PEX14: variants seen among roughly 807,000 people sequenced by gnomAD.
PEX14 encodes peroxisomal membrane protein PEX14.
A neutral mutation model predicts 49.5 loss-of-function variants in PEX14; 15 were observed. The ratio of observed to expected loss-of-function variants is 0.30; its 90% confidence interval spans 0.20 to 0.47. PEX14 has a LOEUF of 0.47. PEX14 is among the 20% of genes least tolerant of loss of function. The pLI, the probability that PEX14 is intolerant of heterozygous loss-of-function variation, is 1.00. For synonymous variants in PEX14, 210 were observed against 212.7 expected (o/e 0.99, Z 0.11); for missense variants, 398 against 494.8 (o/e 0.80, Z 1.86).
chr1:10,558,803 C>T (rs752529360), intron 3 of PEX14, among the ~76,000 whole-genome samples: 8 of 151,458 alleles, frequency 5.3e-5, no homozygotes, highest in African/African-American at 1.2e-4. Context: ...TTGCAGTATG[C>T]ACTCTTTCCA....
At chr1:10,478,856 C>G in intron 1 of PEX14, among the ~76,000 whole-genome samples, 1 of 151,960 alleles carries the variant, frequency 6.6e-6, no homozygotes, top group Non-Finnish European at 1.5e-5. Context: ...AACCATTCTC[C>G]TGCCTCAGCC....
intron 1 of PEX14, among the ~76,000 whole-genome samples, chr1:10,476,296 T>C (rs1239515652): frequency 2.0e-5 from 3 of 152,240 alleles, no homozygotes; most frequent in Non-Finnish European, 4.4e-5. Context: ...TTGTAAAACA[T>C]GGGAGATAAC....
intron 4 of PEX14, among the ~76,000 whole-genome samples, chr1:10,610,081 A>T (rs1211735879): frequency 6.8e-6 from 1 of 148,114 alleles, no homozygotes; most frequent in Non-Finnish European, 1.5e-5. Context: ...TATAATTTAT[A>T]TATGCATTTC....
intron 3 of PEX14, among the ~76,000 whole-genome samples, chr1:10,550,952 G>T (rs547033658): frequency 6.6e-6 from 1 of 152,294 alleles, no homozygotes; most frequent in East Asian, 1.9e-4. Context: ...TTCCATGAGG[G>T]CTTTCATCCT....
rs367982022 is a variant in PEX14, at chr1:10,629,994, G to A, written c.*7G>A. The A allele has an allele frequency of 1.5e-5, 24 of 1,606,908 alleles. No homozygotes were observed. Among genetic ancestry groups the A allele is most frequent in the East Asian group, 6.7e-5 (3 of 44,724 alleles). On this transcript the variant is annotated 3_prime_UTR_variant, in exon 9 of 9. Coordinates refer to ENST00000356607, the MANE Select transcript of PEX14 (RefSeq NM_004565.3). This position sits in a 1 kb window ranked among gnomAD's most constrained non-coding sequence, Gnocchi z 8.5. ...CGAGAGTGAGCGGGACTAGGGCTGCGCCTGCTGCCTCCAGCCCTGAGGATG... is the reference window on the plus strand; with the variant it reads ...CGAGAGTGAGCGGGACTAGGGCTGCACCTGCTGCCTCCAGCCCTGAGGATG...
intron 2 of PEX14, among the ~76,000 whole-genome samples, chr1:10,518,199 CCTGA>C (rs927648982): frequency 6.6e-6 from 1 of 151,946 alleles, no homozygotes; most frequent in African/African-American, 2.4e-5. Flanking sequence ...TATTTCGGTC[CCTGA>C]CTATTTGCAT....
chr1:10,497,840 C>T (rs1386428989), intron 2 of PEX14, among the ~76,000 whole-genome samples: 4 of 152,206 alleles, frequency 2.6e-5, no homozygotes, highest in Non-Finnish European at 1.5e-5. Context: ...TCGGGAAATA[C>T]ATATTCTTTT....
At chr1:10,531,442 T>C (rs1359097843) in intron 2 of PEX14, among the ~76,000 whole-genome samples, 2 of 152,206 alleles carry the variant, frequency 1.3e-5, no homozygotes, top group Non-Finnish European at 1.5e-5. Flanking sequence ...CGAGTTGGCT[T>C]TGGTCTAACG....
intron 3 of PEX14, among the ~76,000 whole-genome samples, chr1:10,563,826 G>C (rs1347649403): frequency 6.6e-6 from 1 of 150,908 alleles, no homozygotes; most frequent in Admixed American, 6.6e-5. Flanking sequence ...GCAGGAGAAT[G>C]GCGTGAACCC....
chr1:10,528,227 G>C (rs770456825), intron 2 of PEX14: 1 of 651,304 alleles, frequency 1.5e-6, no homozygotes, highest in African/African-American at 2.0e-5. Flanking sequence ...ACCTTTCTTC[G>C]TCTCCTTCCT....
chr1:10,515,661 T>C lies in PEX14; in HGVS notation c.84+20340T>C, dbSNP rs545271593. Among the ~76,000 whole-genome samples the C allele has an allele frequency of 1.1e-3, 173 of 152,326 alleles. No individual in the cohort carries two copies. The Middle Eastern group carries it at 0.024, about 21-fold the overall frequency. On this transcript the variant is annotated intron_variant, in intron 2 of 8. Transcript: ENST00000356607. ...TTGTTAGAAAACTAAATGTTTCCAC[T>C]TCATAGAACAATAAACTTTGAGAAT...
chr1:10,628,869 C>T lies in PEX14; in HGVS notation c.678-662C>T, dbSNP rs929338770. On this transcript the variant is annotated intron_variant, in intron 8 of 8. Transcript: ENST00000356607. The surrounding 1 kb of genome is among the most constrained non-coding windows in gnomAD (Gnocchi z 4.5). ...GTCTCTGAGCCGTTGCCAAGTGGACCTGACCTCCCAGGTCCCTCCTGGAAT... is the reference window on the plus strand; with the variant it reads ...GTCTCTGAGCCGTTGCCAAGTGGACTTGACCTCCCAGGTCCCTCCTGGAAT... Among the ~76,000 whole-genome samples, 1 of 152,216 alleles carries T rather than the reference C, an allele frequency of 6.6e-6. No homozygotes were observed. The highest frequency in any genetic ancestry group is 2.4e-5 in the African/African-American group (1 of 41,458).
At chr1:10,517,395 A>T (rs990224149) in intron 2 of PEX14, among the ~76,000 whole-genome samples, 2 of 152,134 alleles carry the variant, frequency 1.3e-5, no homozygotes, top group African/African-American at 4.8e-5. Flanking sequence ...TCACCCTCTG[A>T]TATAGCCCGT....
At chr1:10,569,877 CT>C (rs1393123875) in intron 3 of PEX14, among the ~76,000 whole-genome samples, 1 of 152,104 alleles carries the variant, frequency 6.6e-6, no homozygotes, top group African/African-American at 2.4e-5. Flanking sequence ...AGCTTTACCG[CT>C]TGTCTTTATT....
chr1:10,527,272 A>C (rs1638515218), intron 2 of PEX14, among the ~76,000 whole-genome samples: 1 of 149,960 alleles, frequency 6.7e-6, no homozygotes, highest in Non-Finnish European at 1.5e-5. Flanking sequence ...GTAATCCCAC[A>C]CTTTGGGAGG....
At chr1:10,610,370 TATACAC>T (rs56884957) in intron 4 of PEX14, among the ~76,000 whole-genome samples, 9,899 of 98,434 alleles carry the variant, frequency 0.1, 724 homozygotes, top group African/African-American at 0.25. Flanking sequence ...TATATATATA[TATACAC>T]ACACACACAC....
rs182510729 is a variant in PEX14, at chr1:10,607,038, C to T, written c.298+7672C>T. On this transcript the variant is annotated intron_variant, in intron 4 of 8. Transcript: ENST00000356607. ...TCCAGTCAATCCACCCTCCTTGATCCTGGCTTGAGGGCAACCACTGATCTG... is the reference window on the plus strand; with the variant it reads ...TCCAGTCAATCCACCCTCCTTGATCTTGGCTTGAGGGCAACCACTGATCTG... Among the ~76,000 whole-genome samples, 56 of 152,290 alleles carry T rather than the reference C, an allele frequency of 3.7e-4. 1 individual carries two copies. Among genetic ancestry groups the T allele is most frequent in the Non-Finnish European group, 1.2e-4 (8 of 68,032 alleles).
At chr1:10,481,826 T>C (rs1641288623) in intron 1 of PEX14, among the ~76,000 whole-genome samples, 1 of 147,710 alleles carries the variant, frequency 6.8e-6, no homozygotes, top group Admixed American at 6.8e-5. Flanking sequence ...TTCTACTCTT[T>C]TTTTTTTTTT....
intron 2 of PEX14, among the ~76,000 whole-genome samples, chr1:10,520,115 C>A (rs1638230536): frequency 6.7e-6 from 1 of 148,582 alleles, no homozygotes; most frequent in Admixed American, 6.8e-5. Flanking sequence ...GCTGGGATTA[C>A]AGGCATGAGC....
Sources: gnomAD v4.1 joint callset for allele counts (sites outside exome capture counted in the v4.1 genomes callset) on GRCh38, gnomAD v4.1.1 for gene constraint, Gnocchi (gnomAD v3.1) non-coding constraint, MANE v1.5 for transcripts, NCBI Gene and HGNC (gene_info 2026-07-23, HGNC 2026-07-21) for gene names.